The following SLC9A9 variants were observed in gnomAD, a reference collection of about 807,000 sequenced individuals.
The protein encoded by SLC9A9 is solute carrier family 9 member A9.
SLC9A9 carries 62 observed loss-of-function variants against 77.8 expected under a neutral mutation model. The ratio of observed to expected loss-of-function variants is 0.80; its 90% CI spans 0.65 to 0.98. SLC9A9 has a LOEUF of 0.98. Among genes scored for constraint, SLC9A9 ranks in the 50% least tolerant of loss-of-function variants. SLC9A9 has a pLI of 0.00. For missense variants in SLC9A9, 775 were observed against 774.9 expected (o/e 1.00, Z 0.00); for synonymous variants, 320 against 283.5 (o/e 1.13, Z -1.29).
chr3:143,702,280 TG>T (rs1426528074), intron 4 of SLC9A9, among the ~76,000 whole-genome samples: 1 of 152,166 alleles, frequency 6.6e-6, no homozygotes, highest in African/African-American at 2.4e-5. Flanking sequence ...TATAACACTG[TG>T]TCTGTGGAAT....
At chr3:143,551,856 G>C (rs2036892825) in intron 9 of SLC9A9, among the ~76,000 whole-genome samples, 2 of 152,196 alleles carry the variant, frequency 1.3e-5, no homozygotes, top group African/African-American at 2.4e-5. Flanking sequence ...GCAAATGTCT[G>C]TGGAAAGAAT....
intron 4 of SLC9A9, among the ~76,000 whole-genome samples, chr3:143,762,057 T>A (rs2007144448): frequency 6.6e-6 from 1 of 152,126 alleles, no homozygotes; most frequent in Non-Finnish European, 1.5e-5. Flanking sequence ...TGAATGAAGC[T>A]GGAAACCATC....
At position 143,754,847 on chromosome 3, in the gene SLC9A9, TGA is replaced by T. The variant is rs562902523; in HGVS notation, c.533+40152_533+40153del. Among the ~76,000 whole-genome samples the T allele has an allele frequency of 2.0e-5, 3 of 152,240 alleles. No individual in the cohort carries two copies. In the South Asian group the frequency reaches 6.2e-4, roughly 32 times the overall value. ...TTTCTCCATGTATGGTGAGGAGAAA[TGA>T]GAGAGTATGTATATCAAAAGAACCT... On this transcript the variant is annotated intron_variant, in intron 4 of 15. Coordinates refer to ENST00000316549, the MANE Select transcript of SLC9A9 (RefSeq NM_173653.4).
At chr3:143,532,009 C>T (rs2036517081) in intron 9 of SLC9A9, among the ~76,000 whole-genome samples, 1 of 152,136 alleles carries the variant, frequency 6.6e-6, no homozygotes, top group African/African-American at 2.4e-5. Flanking sequence ...ATCTGATAAT[C>T]CAGCTGCCTT....
chr3:143,741,648 A>T (rs1039081428), intron 4 of SLC9A9, among the ~76,000 whole-genome samples: 2 of 151,632 alleles, frequency 1.3e-5, no homozygotes, highest in Non-Finnish European at 3.0e-5. Flanking sequence ...AACCTGACAA[A>T]CACTACCTCA....
intron 4 of SLC9A9, among the ~76,000 whole-genome samples, chr3:143,725,329 G>C (rs547390985): frequency 1.3e-5 from 2 of 151,912 alleles, no homozygotes; most frequent in African/African-American, 4.8e-5. Context: ...TCAGTGTGGC[G>C]ATTCCTCAGG....
intron 6 of SLC9A9, among the ~76,000 whole-genome samples, chr3:143,651,903 T>C (rs1011838601): frequency 2.6e-5 from 4 of 152,234 alleles, no homozygotes; most frequent in Non-Finnish European, 4.4e-5. Flanking sequence ...TATTAGACTA[T>C]TATCTGGAAA....
intron 8 of SLC9A9, among the ~76,000 whole-genome samples, chr3:143,555,493 C>T (rs1390659880): frequency 6.6e-6 from 1 of 152,180 alleles, no homozygotes; most frequent in East Asian, 1.9e-4. Context: ...AATAAGTGAA[C>T]ATTCCCATTT....
chr3:143,590,919 G>A (rs960011487), intron 6 of SLC9A9, among the ~76,000 whole-genome samples: 12 of 152,210 alleles, frequency 7.9e-5, no homozygotes, highest in Admixed American at 2.6e-4. Flanking sequence ...AGCCTGCAGC[G>A]TTTCATAAAT....
At chr3:143,778,526 T>C (rs1297334223) in intron 4 of SLC9A9, among the ~76,000 whole-genome samples, 1 of 152,074 alleles carries the variant, frequency 6.6e-6, no homozygotes, top group East Asian at 1.9e-4. Context: ...TATCAGTGCC[T>C]AAGTACATCC....
intron 9 of SLC9A9, among the ~76,000 whole-genome samples, chr3:143,551,392 G>A (rs566664946): frequency 6.6e-6 from 1 of 152,290 alleles, no homozygotes; most frequent in African/African-American, 2.4e-5. Flanking sequence ...GTTGGTCTCT[G>A]CTGTCACTGT....
intron 9 of SLC9A9, among the ~76,000 whole-genome samples, chr3:143,540,349 C>T (rs890516038): frequency 6.6e-6 from 1 of 152,104 alleles, no homozygotes; most frequent in Non-Finnish European, 1.5e-5. Flanking sequence ...TGAGACAGCA[C>T]CAATATTTTG....
chr3:143,745,451 T>C (rs1935178842), intron 4 of SLC9A9, among the ~76,000 whole-genome samples: 1 of 152,216 alleles, frequency 6.6e-6, no homozygotes, highest in South Asian at 2.1e-4. Context: ...TTTTTACTCC[T>C]ATGTCATAAT....
intron 6 of SLC9A9, among the ~76,000 whole-genome samples, chr3:143,605,015 A>G (rs1473937260): frequency 6.6e-6 from 1 of 152,148 alleles, no homozygotes; most frequent in African/African-American, 2.4e-5. Context: ...ATGCACCAAC[A>G]TGAAGCAGAA....
chr3:143,301,057 C>T (rs1439065732), intron 14 of SLC9A9, among the ~76,000 whole-genome samples: 1 of 152,172 alleles, frequency 6.6e-6, no homozygotes, highest in Non-Finnish European at 1.5e-5. Context: ...CTCACCACTA[C>T]CACCTTCACC....
At chr3:143,710,436 C>A (rs924769180) in intron 4 of SLC9A9, among the ~76,000 whole-genome samples, 2 of 152,140 alleles carry the variant, frequency 1.3e-5, no homozygotes, top group Non-Finnish European at 2.9e-5. Flanking sequence ...GCCAAGTAAC[C>A]AGCACAAGGG....
intron 9 of SLC9A9, among the ~76,000 whole-genome samples, chr3:143,535,416 T>C (rs960090565): frequency 5.9e-5 from 9 of 152,230 alleles, no homozygotes; most frequent in Non-Finnish European, 1.3e-4. Flanking sequence ...CAGAGCAGTA[T>C]ATTTTAATGT....
chr3:143,596,514 A>T (rs565942645), intron 6 of SLC9A9, among the ~76,000 whole-genome samples: 1 of 152,268 alleles, frequency 6.6e-6, no homozygotes, highest in South Asian at 2.1e-4. Flanking sequence ...TTCCTCATAG[A>T]TAGATCCTGT....
At chr3:143,420,752 C>T (rs1409761824) in intron 12 of SLC9A9, among the ~76,000 whole-genome samples, 1 of 152,070 alleles carries the variant, frequency 6.6e-6, no homozygotes, top group Non-Finnish European at 1.5e-5. Flanking sequence ...TAGCATTATT[C>T]ACATTTTAAA....
Sources: gnomAD v4.1 joint callset for allele counts (sites outside exome capture counted in the v4.1 genomes callset) on GRCh38, gnomAD v4.1.1 for gene constraint, MANE v1.5 for transcripts, NCBI Gene and HGNC (gene_info 2026-07-23, HGNC 2026-07-21) for gene names.